Variants in GRM5 observed in about 807,000 individuals in gnomAD.
The protein encoded by GRM5 is metabotropic glutamate receptor 5.
In GRM5, 19 loss-of-function variants were observed where a neutral mutation model predicts 83.1. The ratio of observed to expected loss-of-function variants is 0.23; its 90% confidence interval spans 0.16 to 0.34. GRM5 has a LOEUF of 0.34. Ranked by LOEUF, GRM5 falls within the 10% of genes least tolerant of loss-of-function variation. The pLI, the probability that GRM5 is intolerant of heterozygous loss-of-function variation, is 1.00. For synonymous variants in GRM5, 675 were observed against 633.6 expected (o/e 1.07, Z -0.98); for missense variants, 1,160 against 1,588.3 (o/e 0.73, Z 4.58).
chr11:88,801,272 G>A (rs1943388588), intron 3 of GRM5, among the ~76,000 whole-genome samples: 1 of 152,116 alleles, frequency 6.6e-6, no homozygotes, highest in Admixed American at 6.6e-5. Context: ...GTTCCTATAT[G>A]TCTCCAGATG....
chr11:88,865,142 G>T (rs1297209169), intron 2 of GRM5, among the ~76,000 whole-genome samples: 1 of 151,214 alleles, frequency 6.6e-6, no homozygotes, highest in Non-Finnish European at 1.5e-5. Context: ...AAAGTAATTT[G>T]TAGATTCAAT....
chr11:88,981,414 T>C (rs559091829), intron 2 of GRM5, among the ~76,000 whole-genome samples: 1 of 152,282 alleles, frequency 6.6e-6, no homozygotes. Context: ...AATGAATCAG[T>C]ATAAAGTTAA....
intron 2 of GRM5, among the ~76,000 whole-genome samples, chr11:88,987,738 C>A (rs1040811458): frequency 6.6e-6 from 1 of 151,898 alleles, no homozygotes; most frequent in Non-Finnish European, 1.5e-5. Context: ...AGGCACCCCC[C>A]AGCAGGGGCA....
intron 8 of GRM5, among the ~76,000 whole-genome samples, chr11:88,526,971 T>C (rs1038228112): frequency 2.0e-5 from 3 of 152,162 alleles, no homozygotes; most frequent in African/African-American, 7.2e-5. Context: ...CAAGTAATTT[T>C]AGATGTAGGC....
intron 2 of GRM5, among the ~76,000 whole-genome samples, chr11:88,853,503 A>G (rs1174992854): frequency 1.3e-5 from 2 of 151,994 alleles, no homozygotes; most frequent in Middle Eastern, 3.2e-3. Flanking sequence ...TAGTGAGATA[A>G]TTATATTAAA....
chr11:88,857,092 A>G (rs1944491024), intron 2 of GRM5, among the ~76,000 whole-genome samples: 1 of 152,088 alleles, frequency 6.6e-6, no homozygotes, highest in Admixed American at 6.6e-5. Context: ...ATAAAGTAAA[A>G]TCCTGAAATA....
intron 4 of GRM5, among the ~76,000 whole-genome samples, chr11:88,605,509 T>G (rs1379534782): frequency 6.6e-6 from 1 of 152,154 alleles, no homozygotes; most frequent in Non-Finnish European, 1.5e-5. Context: ...ATATAACATT[T>G]AAACTCCTTT....
At chr11:88,899,649 A>G (rs1180687364) in intron 2 of GRM5, among the ~76,000 whole-genome samples, 1 of 152,052 alleles carries the variant, frequency 6.6e-6, no homozygotes, top group African/African-American at 2.4e-5. Flanking sequence ...CCAATTATTT[A>G]TAATACTAGA....
chr11:88,982,357 GC>G (rs1435968013), intron 2 of GRM5, among the ~76,000 whole-genome samples: 1 of 151,940 alleles, frequency 6.6e-6, no homozygotes, highest in Admixed American at 6.6e-5. Flanking sequence ...TAAACCTTTA[GC>G]TTACATAAGT....
At chr11:88,634,544 A>G (rs1046954929) in intron 4 of GRM5, among the ~76,000 whole-genome samples, 4 of 152,156 alleles carry the variant, frequency 2.6e-5, no homozygotes, top group Admixed American at 2.0e-4. Flanking sequence ...AGGATCATCA[A>G]TATCACTGTC....
At chr11:88,617,476 G>T (rs571311486) in intron 4 of GRM5, among the ~76,000 whole-genome samples, 1 of 152,200 alleles carries the variant, frequency 6.6e-6, no homozygotes. Context: ...TGCACCAGAT[G>T]TAAGCAGAAA....
At chr11:88,866,496 A>G (rs894963834) in intron 2 of GRM5, among the ~76,000 whole-genome samples, 8 of 151,924 alleles carry the variant, frequency 5.3e-5, no homozygotes, top group Non-Finnish European at 1.2e-4. Context: ...GCATGTGTAT[A>G]CCTATGTAAC....
intron 2 of GRM5, among the ~76,000 whole-genome samples, chr11:89,017,415 C>T (rs1188189240): frequency 6.6e-6 from 1 of 152,164 alleles, no homozygotes; most frequent in South Asian, 2.1e-4. Flanking sequence ...AAATTGAAAG[C>T]TGGCCTTCAG....
chr11:88,880,864 T>C (rs1319156001), intron 2 of GRM5, among the ~76,000 whole-genome samples: 1 of 152,178 alleles, frequency 6.6e-6, no homozygotes. Flanking sequence ...TGTGTAACTT[T>C]ACACAAATTA....
At chr11:88,667,197 T>G (rs186863723) in intron 3 of GRM5, among the ~76,000 whole-genome samples, 14 of 151,894 alleles carry the variant, frequency 9.2e-5, no homozygotes, top group African/African-American at 3.4e-4. Flanking sequence ...ATAGAATATA[T>G]CCAGACTGAA....
chr11:88,980,650 G>A (rs370072074), intron 2 of GRM5, among the ~76,000 whole-genome samples: 3 of 151,974 alleles, frequency 2.0e-5, no homozygotes, highest in South Asian at 2.1e-4. Context: ...GTGAGCCCCC[G>A]TCTCTACTAA....
chr11:88,887,867 C>A (rs1011227657), intron 2 of GRM5, among the ~76,000 whole-genome samples: 35 of 152,162 alleles, frequency 2.3e-4, no homozygotes, highest in Admixed American at 1.9e-3. Context: ...GCAAGCACTG[C>A]AAAATGAATC....
intron 3 of GRM5, among the ~76,000 whole-genome samples, chr11:88,798,805 CAAAAAA>C (rs4002396): frequency 1.8e-5 from 1 of 55,400 alleles, no homozygotes; most frequent in African/African-American, 8.3e-5. Flanking sequence ...ATGAAAACAC[CAAAAAA>C]AAAAAAAAAA....
intron 3 of GRM5, among the ~76,000 whole-genome samples, chr11:88,708,745 A>G (rs1941216718): frequency 6.6e-6 from 1 of 152,060 alleles, no homozygotes; most frequent in Non-Finnish European, 1.5e-5. Flanking sequence ...AGCTCCCAAG[A>G]TTTTAGGAGT....
Sources: allele counts gnomAD v4.1 joint callset (sites outside exome capture counted in the v4.1 genomes callset), GRCh38; gene constraint gnomAD v4.1.1; transcripts MANE v1.5; gene names NCBI Gene and HGNC (gene_info 2026-07-23, HGNC 2026-07-21).